OTOF: variants seen among roughly 807,000 people sequenced by gnomAD.
The protein encoded by OTOF is fer-1-like family member 2.
A neutral mutation model predicts 236.8 loss-of-function variants in OTOF; 218 were observed. That is an observed-to-expected ratio of 0.92 (90% confidence interval 0.82 to 1.03). OTOF has a LOEUF of 1.03. Among genes scored for constraint, OTOF ranks in the 50% least tolerant of loss-of-function variants. The pLI is 0.00. For missense variants in OTOF, 2,590 were observed against 2,694.4 expected (o/e 0.96, Z 0.86); for synonymous variants, 1,041 against 1,072.5 (o/e 0.97, Z 0.57).
intron 3 of OTOF, among the ~76,000 whole-genome samples, chr2:26,521,072 C>A (rs555018815): frequency 6.6e-6 from 1 of 152,342 alleles, no homozygotes; most frequent in South Asian, 2.1e-4. Context: ...GTCCACCGGA[C>A]TTCAGTTCAC....
Position 26,503,770 on chromosome 2 carries a change from A to T in OTOF, c.583+2T>A, listed in dbSNP as rs1301126848. 1 of 1,613,248 alleles carries T rather than the reference A, an allele frequency of 6.2e-7. No homozygotes were observed. Among genetic ancestry groups the T allele is most frequent in the Non-Finnish European group, 8.5e-7 (1 of 1,179,246 alleles). Reference sequence around the variant, plus strand: ...GCGGGGCTCACGCGGCACCTGTCCTACCTGGTCTTTGGGGCTCCTCCTTGT... The same window carrying T: ...GCGGGGCTCACGCGGCACCTGTCCTTCCTGGTCTTTGGGGCTCCTCCTTGT... On this transcript the variant is annotated splice_donor_variant, in intron 6 of 46. Transcript: ENST00000272371. LOFTEE classifies it high-confidence loss of function.
At chr2:26,459,423 G>A (rs1250370743) in intron 46 of OTOF, among the ~76,000 whole-genome samples, 1 of 152,028 alleles carries the variant, frequency 6.6e-6, no homozygotes, top group South Asian at 2.1e-4. Context: ...GTGGTGGCGG[G>A]TGCCTGTAGT....
intron 1 of OTOF, among the ~76,000 whole-genome samples, chr2:26,555,322 A>T (rs1667558705): frequency 6.6e-6 from 1 of 152,144 alleles, no homozygotes; most frequent in Non-Finnish European, 1.5e-5. Context: ...GGCACAATAG[A>T]GATTCGCCCA....
intron 1 of OTOF, among the ~76,000 whole-genome samples, chr2:26,545,922 T>C (rs76208727): frequency 4.5e-4 from 68 of 152,310 alleles, no homozygotes; most frequent in African/African-American, 1.6e-3. Context: ...TAGTTAGACT[T>C]ATAATTAAAT....
At chr2:26,467,044 T>TGG in intron 35 of OTOF, 55 bp downstream of exon 35, 1 of 1,301,658 alleles carries the variant, frequency 7.7e-7, no homozygotes, top group Non-Finnish European at 1.0e-6. Context: ...GGGGAACCTG[T>TGG]GGGGGGGGCA....
chr2:26,463,427 TG>T, intron 41 of OTOF, 55 bp downstream of exon 41: 1 of 1,400,288 alleles, frequency 7.1e-7, no homozygotes, highest in Non-Finnish European at 9.9e-7. Flanking sequence ...TGGGCCGTGG[TG>T]GGAAGTGGGT....
intron 11 of OTOF, 137 bp from the exon 12 acceptor site, chr2:26,484,770 G>A (rs1665661264): frequency 3.6e-6 from 3 of 824,946 alleles, no homozygotes; most frequent in Non-Finnish European, 5.8e-6. Context: ...CCACAGCTCT[G>A]CCTGTCCCTA....
intron 46 of OTOF, among the ~76,000 whole-genome samples, chr2:26,459,693 A>C (rs1385102658): frequency 6.6e-6 from 1 of 152,182 alleles, no homozygotes; most frequent in African/African-American, 2.4e-5. Context: ...TTGCTGGGTA[A>C]CCTTGAGCAA....
In OTOF at chr2:26,465,993, G is replaced by C; in HGVS notation, c.4584C>G (p.Asp1528Glu). ...GCTGCTTGGAGATGTAGTTCTCCTT[G>C]TCGCGGATGTCAGTCTTGCCTAGCC... ...AIRLGKTDIR[D>E]KENYISKQLN... Residue 1528 changes from aspartate (D) to glutamate (E), a missense_variant, in exon 37 of 47, where the codon GAC becomes GAG. By Grantham distance (45) the Asp-to-Glu change is conservative. Around this residue, in one of 2 missense-constraint regions of OTOF, gnomAD observed 1,211 missense variants for 1,352.8 expected, o/e 0.90. Coordinates refer to ENST00000272371, the MANE Select transcript of OTOF (RefSeq NM_194248.3). The C allele has an allele frequency of 6.2e-7, 1 of 1,614,252 alleles. No homozygotes were observed. The highest frequency in any genetic ancestry group is 1.1e-5 in the South Asian group (1 of 91,090).
intron 5 of OTOF, among the ~76,000 whole-genome samples, chr2:26,515,676 T>TGGCATTTAACTTAAG (rs1412689212): frequency 1.3e-5 from 2 of 152,200 alleles, no homozygotes; most frequent in African/African-American, 4.8e-5. Context: ...ACCCTGGTCC[T>TGGCATTTAACTTAAG]TCAGATGCAC....
At chr2:26,531,200 C>G (rs967168430) in intron 2 of OTOF, among the ~76,000 whole-genome samples, 5 of 152,202 alleles carry the variant, frequency 3.3e-5, no homozygotes, top group African/African-American at 1.2e-4. Context: ...GGGCACCTCA[C>G]AGAGCTCCAA....
Position 26,483,411 on chromosome 2 carries a change from T to C in OTOF, c.1392+51A>G, listed in dbSNP as rs778928085. ...AGGCCCCACACCCATCAGCCTGCCC[T>C]TGTGATACCTGTCACCCAGCCCCAG... On this transcript the variant is annotated intron_variant, in intron 13 of 46. Transcript: ENST00000272371. The C allele has an allele frequency of 6.4e-6, 10 of 1,558,784 alleles. No homozygotes were observed. In the African/African-American group the frequency reaches 1.4e-4, roughly 21 times the overall value.
At chr2:26,478,882 A>G (rs1665435956) in intron 18 of OTOF, among the ~76,000 whole-genome samples, 1 of 152,268 alleles carries the variant, frequency 6.6e-6, no homozygotes, top group Admixed American at 6.5e-5. Context: ...CATTTTTAGT[A>G]GAGACGGCAT....
chr2:26,498,701 C>G (rs537674073), intron 8 of OTOF, among the ~76,000 whole-genome samples: 5 of 152,314 alleles, frequency 3.3e-5, no homozygotes, highest in Admixed American at 3.3e-4. Context: ...AGTGGTAAAT[C>G]TATACCCCTG....
At chr2:26,516,649 C>T in intron 4 of OTOF, 50 bp from the exon 5 acceptor site, 4 of 1,580,702 alleles carry the variant, frequency 2.5e-6, no homozygotes, top group South Asian at 1.1e-5. Flanking sequence ...ACAGCAATCT[C>T]CACCCCGTAT....
chr2:26,475,173 C>A (rs1222791015), intron 25 of OTOF, among the ~76,000 whole-genome samples, 186 bp downstream of exon 25: 10 of 152,092 alleles, frequency 6.6e-5, no homozygotes, highest in Non-Finnish European at 1.5e-4. Flanking sequence ...AGGGGTCAGG[C>A]TGCCGCAAGC....
At chr2:26,549,354 G>C (rs938517431) in intron 1 of OTOF, among the ~76,000 whole-genome samples, 1 of 152,078 alleles carries the variant, frequency 6.6e-6, no homozygotes, top group South Asian at 2.1e-4. Context: ...ATTTTATAAT[G>C]ACAGTTGATG....
chr2:26,523,653 C>T (rs1012173757), intron 3 of OTOF, among the ~76,000 whole-genome samples: 1 of 152,258 alleles, frequency 6.6e-6, no homozygotes, highest in Non-Finnish European at 1.5e-5. Flanking sequence ...TACCTACCCT[C>T]TGCCTCCTAA....
chr2:26,477,855 G>A lies in OTOF; in HGVS notation c.2215-106C>T, dbSNP rs1665395940. ...GGGGAGTGAGGGACCTCATGATCTGGGAGCTCTCGCTAGGGCCATCCTGAG... is the reference window on the plus strand; with the variant it reads ...GGGGAGTGAGGGACCTCATGATCTGAGAGCTCTCGCTAGGGCCATCCTGAG... On this transcript the variant is annotated intron_variant, in intron 18 of 46. Transcript: ENST00000272371. The surrounding 1 kb of genome is among the most constrained non-coding windows in gnomAD (Gnocchi z 4.7). 6.4e-7 allele frequency: 1 copy of A among 1,559,866 alleles called. No homozygotes were observed. The highest frequency in any genetic ancestry group is 1.4e-5 in the African/African-American group (1 of 73,398).
Sources: allele counts gnomAD v4.1 joint callset (sites outside exome capture counted in the v4.1 genomes callset), GRCh38; gene constraint gnomAD v4.1.1; regional missense constraint gnomAD v4.1.1; non-coding constraint Gnocchi (gnomAD v3.1); transcripts MANE v1.5; gene names NCBI Gene and HGNC (gene_info 2026-07-23, HGNC 2026-07-21).